Variants in FARS2 observed in about 807,000 individuals in gnomAD.
FARS2 encodes the protein phenylalanyl-tRNA synthetase 2, mitochondrial, also known as phenylalanine--tRNA ligase, mitochondrial.
In FARS2, 40 loss-of-function variants were observed where a neutral mutation model predicts 46.4. The ratio of observed to expected loss-of-function variants is 0.86; its 90% CI spans 0.67 to 1.12. The LOEUF is 1.12. Ranked by LOEUF, FARS2 falls within the 50% of genes most tolerant of loss-of-function variation. FARS2 has a pLI of 0.00. For missense variants in FARS2, 513 were observed against 567.9 expected (o/e 0.90, Z 0.98); for synonymous variants, 234 against 214.9 (o/e 1.09, Z -0.78).
At chr6:5,453,863 G>A (rs938566740) in intron 4 of FARS2, among the ~76,000 whole-genome samples, 4 of 152,130 alleles carry the variant, frequency 2.6e-5, no homozygotes, top group South Asian at 2.1e-4. Flanking sequence ...GGAACCGTAC[G>A]GGAGAGCCCA....
intron 4 of FARS2, among the ~76,000 whole-genome samples, chr6:5,489,409 G>A (rs901587723): frequency 5.3e-5 from 8 of 152,096 alleles, no homozygotes; most frequent in African/African-American, 1.9e-4. Context: ...AGCTGAGATG[G>A]CACCACTGCA....
intron 1 of FARS2, among the ~76,000 whole-genome samples, chr6:5,305,551 T>C (rs1045480792): frequency 6.6e-6 from 1 of 152,222 alleles, no homozygotes; most frequent in Non-Finnish European, 1.5e-5. Flanking sequence ...GACTCATTTA[T>C]ATAACCACCC....
intron 6 of FARS2, among the ~76,000 whole-genome samples, chr6:5,635,661 G>C (rs897209339): frequency 6.6e-6 from 1 of 152,150 alleles, no homozygotes; most frequent in African/African-American, 2.4e-5. Context: ...ATCGGAACAC[G>C]CACCCAGCCC....
At chr6:5,327,059 T>G (rs1251227918) in intron 1 of FARS2, among the ~76,000 whole-genome samples, 3 of 152,200 alleles carry the variant, frequency 2.0e-5, no homozygotes, top group Non-Finnish European at 2.9e-5. Context: ...TGGCAATAGC[T>G]GCTCCTTAGG....
chr6:5,723,183 G>A (rs902598837), intron 6 of FARS2, among the ~76,000 whole-genome samples: 7 of 152,172 alleles, frequency 4.6e-5, no homozygotes, highest in African/African-American at 1.2e-4. Context: ...GGCCACTCGC[G>A]AGTGTGTCGG....
intron 6 of FARS2, among the ~76,000 whole-genome samples, chr6:5,666,603 A>T (rs1298126452): frequency 6.6e-6 from 1 of 152,226 alleles, no homozygotes. Context: ...CAAAATAATT[A>T]AAATGTGGTT....
chr6:5,516,969 T>C (rs1280244781), intron 4 of FARS2, among the ~76,000 whole-genome samples: 3 of 152,110 alleles, frequency 2.0e-5, no homozygotes, highest in Non-Finnish European at 4.4e-5. Context: ...GGTAGGATGT[T>C]GTTCTGGAGA....
chr6:5,261,254 C>T, upstream of FARS2: 1 of 143,846 alleles, frequency 7.0e-6, no homozygotes, highest in Non-Finnish European at 1.5e-5. Flanking sequence ...GCCCGGGTTA[C>T]CGAAGGCCGC....
At chr6:5,553,490 GT>G (rs1469166302) in intron 5 of FARS2, among the ~76,000 whole-genome samples, 1 of 152,096 alleles carries the variant, frequency 6.6e-6, no homozygotes, top group Non-Finnish European at 1.5e-5. Context: ...CAATAGCATC[GT>G]TATATTATGT....
chr6:5,272,993 T>C (rs1766071529), intron 1 of FARS2, among the ~76,000 whole-genome samples: 1 of 152,238 alleles, frequency 6.6e-6, no homozygotes, highest in South Asian at 2.1e-4. Context: ...ACTTCATTCT[T>C]TTCTATAGCT....
chr6:5,534,129 G>A (rs552373781), intron 4 of FARS2, among the ~76,000 whole-genome samples: 15 of 152,266 alleles, frequency 9.9e-5, no homozygotes, highest in African/African-American at 3.6e-4. Flanking sequence ...GGCTCAATTA[G>A]TGTATCTCAG....
chr6:5,653,312 A>G (rs1043735939), intron 6 of FARS2, among the ~76,000 whole-genome samples: 24 of 152,194 alleles, frequency 1.6e-4, no homozygotes, highest in African/African-American at 5.5e-4. Flanking sequence ...AAAAAAGTAC[A>G]CTGATCTACT....
chr6:5,759,253 C>T (rs1347614748), intron 6 of FARS2, among the ~76,000 whole-genome samples: 1 of 152,126 alleles, frequency 6.6e-6, no homozygotes, highest in African/African-American at 2.4e-5. Context: ...ATCGGTCAGG[C>T]CTTAGCTTGT....
At chr6:5,252,802 T>C in the FARS2 span, among the ~76,000 whole-genome samples, 1 of 152,136 alleles carries the variant, frequency 6.6e-6, no homozygotes, top group Non-Finnish European at 1.5e-5. Context: ...TCAAAAGCTG[T>C]TTGCAACCAT....
Position 5,284,494 on chromosome 6 carries a change from C to T in FARS2, c.-22+22834C>T, listed in dbSNP as rs148384169. 4.7e-4 allele frequency among the ~76,000 whole-genome samples: 71 copies of T among 152,204 alleles called. No homozygotes were observed. The East Asian group carries it at 0.012, about 26-fold the overall frequency. ...GCAATCCACCACCTGCTCTGGCTGT[C>T]GTGCAGTGTTCTTCCATGGCTTCTG... On this transcript the variant is annotated intron_variant, in intron 1 of 6. Transcript: ENST00000274680.
chr6:5,534,830 C>CGCAT (rs1561692327), intron 4 of FARS2, among the ~76,000 whole-genome samples: 43 of 131,980 alleles, frequency 3.3e-4, no homozygotes, highest in African/African-American at 1.2e-3. Context: ...CATGCACGCA[C>CGCAT]ACACACGCAC....
At chr6:5,449,770 G>A (rs909572922) in intron 4 of FARS2, among the ~76,000 whole-genome samples, 2 of 152,192 alleles carry the variant, frequency 1.3e-5, no homozygotes, top group African/African-American at 2.4e-5. Flanking sequence ...AATCAGAAAT[G>A]TTCCAATGAG....
chr6:5,256,080 C>T (rs1267211610), upstream of FARS2, among the ~76,000 whole-genome samples: 1 of 151,756 alleles, frequency 6.6e-6, no homozygotes, highest in East Asian at 2.0e-4. Context: ...GTTGGTCATG[C>T]CAAGATTGAG....
chr6:5,382,409 T>C (rs1759850616), intron 2 of FARS2, among the ~76,000 whole-genome samples: 1 of 152,236 alleles, frequency 6.6e-6, no homozygotes, highest in Non-Finnish European at 1.5e-5. Flanking sequence ...TAGGACTATG[T>C]AGAATATGTA....
Sources: gnomAD v4.1 joint callset for allele counts (sites outside exome capture counted in the v4.1 genomes callset) on GRCh38, gnomAD v4.1.1 for gene constraint, MANE v1.5 for transcripts, NCBI Gene and HGNC (gene_info 2026-07-23, HGNC 2026-07-21) for gene names.